DYNC2H1: variants seen among roughly 807,000 people sequenced by gnomAD.
DYNC2H1 encodes dynein cytoplasmic 2 heavy chain 1.
Under a neutral mutation model 570.0 loss-of-function variants are expected in DYNC2H1, and 410 were observed. The observed-to-expected ratio is 0.72, with a 90% CI of 0.66 to 0.78. DYNC2H1 has a LOEUF of 0.78. Among genes scored for constraint, DYNC2H1 ranks in the 30% least tolerant of loss-of-function variants. The probability of loss-of-function intolerance (pLI) is 0.00; values close to 1 mark genes in which losing one functional copy is unlikely to be tolerated. For synonymous variants in DYNC2H1, 1,688 were observed against 1,677.6 expected, an observed-to-expected ratio of 1.01 and a Z score of -0.15; for missense variants, 4,865 against 5,046.4, an observed-to-expected ratio of 0.96 and a Z score of 1.09.
chr11:103,161,377 A>G (rs1485103647), intron 29 of DYNC2H1, among the ~76,000 whole-genome samples: 1 of 152,104 alleles, frequency 6.6e-6, no homozygotes, highest in Non-Finnish European at 1.5e-5. Context: ...TGGTAATCTC[A>G]GTACAGGTGG....
rs540117177 is a variant in DYNC2H1, at chr11:103,331,290, A to G, written c.12039+7300A>G. The stretch of plus-strand genomic sequence containing the variant: ...CTGATATAGGTGTTCTTACCCCCTT[A>G]CAGGCTTTTTCTCCATGGCTCTTAC... On this transcript the variant is annotated intron_variant, in intron 82 of 88. Coordinates refer to ENST00000375735, the MANE Select transcript of DYNC2H1 (RefSeq NM_001377.3). Among the ~76,000 whole-genome samples the G allele has an allele frequency of 3.9e-5, 6 of 152,338 alleles. No individual in the cohort carries two copies. The East Asian group carries it at 1.2e-3, about 29-fold the overall frequency.
At chr11:103,459,610 T>C (rs1944931740) in intron 87 of DYNC2H1, among the ~76,000 whole-genome samples, 1 of 151,990 alleles carries the variant, frequency 6.6e-6, no homozygotes, top group Non-Finnish European at 1.5e-5. Context: ...ACCAACAAGC[T>C]AGATCTTTCC....
chr11:103,202,249 A>G (rs1381407848), intron 50 of DYNC2H1, among the ~76,000 whole-genome samples: 1 of 149,488 alleles, frequency 6.7e-6, no homozygotes, highest in African/African-American at 2.4e-5. Context: ...AGTTGTCACT[A>G]GATGGAGACA....
At chr11:103,266,648 T>C (rs1261872887) in intron 70 of DYNC2H1, among the ~76,000 whole-genome samples, 1 of 152,064 alleles carries the variant, frequency 6.6e-6, no homozygotes, top group Non-Finnish European at 1.5e-5. Context: ...ACCGCAAAGA[T>C]GTGTGGAGTT....
In DYNC2H1 at chr11:103,191,582, A is replaced by G. The variant is rs191319828; in HGVS notation, c.7503A>G (p.Gln2501=). The change falls in exon 46 of 89, where the codon CAA becomes CAG. Residue 2501 remains glutamine, a synonymous_variant. Transcript: ENST00000375735. ...TCTTTACTCCTTGCATTCTTACCCAATGGGTTCTTGGCTTATTTAGATATG... is the reference window on the plus strand; with the variant it reads ...TCTTTACTCCTTGCATTCTTACCCAGTGGGTTCTTGGCTTATTTAGATATG... The part of the protein sequence containing the change: ...HYFFTPCILT[Q]WVLGLFRYDL... 130 of 1,609,632 alleles carry G rather than the reference A, an allele frequency of 8.1e-5. No homozygotes were observed. Among genetic ancestry groups the G allele is most frequent in the African/African-American group, 2.7e-5 (2 of 74,850 alleles).
At chr11:103,337,959 A>T (rs752295186) in intron 82 of DYNC2H1, among the ~76,000 whole-genome samples, 1 of 152,206 alleles carries the variant, frequency 6.6e-6, no homozygotes, top group African/African-American at 2.4e-5. Flanking sequence ...TGTCCAGATT[A>T]GTGTCCTGAA....
intron 70 of DYNC2H1, among the ~76,000 whole-genome samples, chr11:103,273,402 T>C (rs569957741): frequency 1.6e-4 from 25 of 152,278 alleles, no homozygotes; most frequent in Non-Finnish European, 2.9e-4. Flanking sequence ...TTTCCCAGGC[T>C]GGCCTCAAAC....
intron 71 of DYNC2H1, among the ~76,000 whole-genome samples, chr11:103,281,356 A>G (rs959959350): frequency 6.6e-6 from 1 of 151,944 alleles, no homozygotes; most frequent in African/African-American, 2.4e-5. Flanking sequence ...GTTCCATGAA[A>G]TATATATATT....
intron 80 of DYNC2H1, among the ~76,000 whole-genome samples, chr11:103,317,349 C>CTG (rs1199912905): frequency 6.7e-6 from 1 of 149,816 alleles, no homozygotes; most frequent in East Asian, 2.0e-4. Flanking sequence ...AGGCTAAAGC[C>CTG]TGTGAGTCAC....
chr11:103,309,166 C>CTTTTTT (rs1274431520), intron 78 of DYNC2H1, among the ~76,000 whole-genome samples: 3 of 56,532 alleles, frequency 5.3e-5, no homozygotes, highest in Non-Finnish European at 1.2e-4. Flanking sequence ...TAACTGCATG[C>CTTTTTT]TATTTTTTTT....
rs1313642571 is a variant in DYNC2H1, at chr11:103,268,655, T to A, written c.10695+8678T>A. 1.3e-5 allele frequency among the ~76,000 whole-genome samples: 2 copies of A among 152,042 alleles called. No homozygotes were observed. Among genetic ancestry groups the A allele is most frequent in the Non-Finnish European group, 2.9e-5 (2 of 67,924 alleles). On this transcript the variant is annotated intron_variant, in intron 70 of 88. Coordinates refer to ENST00000375735, the MANE Select transcript of DYNC2H1 (RefSeq NM_001377.3). This position sits in a 1 kb window ranked among gnomAD's most constrained non-coding sequence, Gnocchi z 4.6. ...TGAAATGGGCTGTGATTTATGAAAA[T>A]GTTATGGAGTTACAGTTATTTTAAG...
Position 103,181,664 on chromosome 11 carries a change from G to A in DYNC2H1, c.6348-93G>A. 1 of 1,333,018 alleles carries A rather than the reference G, an allele frequency of 7.5e-7. No homozygotes were observed. The highest frequency in any genetic ancestry group is 1.0e-6 in the Non-Finnish European group (1 of 979,858). The allele number at this position is 1,333,018 out of a possible 1,614,324, so 82.6% of individuals were successfully genotyped here. On this transcript the variant is annotated intron_variant, in intron 39 of 88. Transcript: ENST00000375735. This position sits in a 1 kb window ranked among gnomAD's most constrained non-coding sequence, Gnocchi z 5.0. ...TTGTATGCTAGCAGACAAAATATGT[G>A]CGTAGAATAATGTTTATTGGAGAAG... is the stretch of plus-strand genomic sequence containing the variant.
chr11:103,386,186 T>A (rs1426612344), intron 83 of DYNC2H1, among the ~76,000 whole-genome samples: 1 of 152,232 alleles, frequency 6.6e-6, no homozygotes, highest in African/African-American at 2.4e-5. Flanking sequence ...TAGCCCTACT[T>A]GAAATAGAAG....
At chr11:103,253,855 A>G (rs1425564554) in intron 66 of DYNC2H1, among the ~76,000 whole-genome samples, 1 of 152,048 alleles carries the variant, frequency 6.6e-6, no homozygotes, top group Non-Finnish European at 1.5e-5. Context: ...TTTTTTTTTA[A>G]CCATTAGAAC....
At chr11:103,287,776 G>T in intron 75 of DYNC2H1, 171 bp downstream of exon 75, 1 of 608,820 alleles carries the variant, frequency 1.6e-6, no homozygotes, top group African/African-American at 1.9e-5. Flanking sequence ...TCTCGGCTGG[G>T]CATGGTGGCT....
At position 103,209,835 on chromosome 11, in the gene DYNC2H1, G is replaced by A. The variant is rs768226499; in HGVS notation, c.8455-41G>A. 27 of 1,390,966 alleles carry A rather than the reference G, an allele frequency of 1.9e-5. No homozygotes were observed. In the South Asian group the frequency reaches 3.8e-4, roughly 19 times the overall value. 86.2% of individuals were successfully genotyped at this position (1,390,966 alleles called of 1,614,324 possible). The stretch of plus-strand genomic sequence containing the variant: ...TAAAGGTTTTTAACTTATGATATGG[G>A]ACTTATACTCTTTCATAGTGATATT... On this transcript the variant is annotated intron_variant, in intron 52 of 88. Coordinates refer to ENST00000375735, the MANE Select transcript of DYNC2H1 (RefSeq NM_001377.3). This position sits in a 1 kb window ranked among gnomAD's most constrained non-coding sequence, Gnocchi z 4.2.
At chr11:103,415,415 T>C (rs1943246871) in intron 84 of DYNC2H1, among the ~76,000 whole-genome samples, 1 of 152,158 alleles carries the variant, frequency 6.6e-6, no homozygotes, top group Non-Finnish European at 1.5e-5. Flanking sequence ...TTTTGCAATC[T>C]ATTCATCTGA....
chr11:103,459,690 C>T (rs1164952322), intron 87 of DYNC2H1, among the ~76,000 whole-genome samples: 4 of 151,974 alleles, frequency 2.6e-5, no homozygotes, highest in Non-Finnish European at 5.9e-5. Context: ...CGGTGGCTCA[C>T]GCCTGTAATC....
In DYNC2H1 at chr11:103,154,773, GA is replaced by G; in HGVS notation, c.3538del (p.Thr1180GlnfsTer2). On this transcript the variant is annotated frameshift_variant, in exon 24 of 89. Coordinates refer to ENST00000375735, the MANE Select transcript of DYNC2H1 (RefSeq NM_001377.3). LOFTEE classifies it high-confidence loss of function. Reference sequence around the variant, plus strand: ...GGAAGGTTGAAGAACATTCAGTGATGACAGTGAAATTACAATCAGAGGTTGA... The same window carrying G: ...GGAAGGTTGAAGAACATTCAGTGATGCAGTGAAATTACAATCAGAGGTTGA... ...LRKVEEHSVM[T>X]VKLQSEVDKY... 1 of 1,557,616 alleles carries G rather than the reference GA, an allele frequency of 6.4e-7. No individual in the cohort carries two copies. Among genetic ancestry groups the G allele is most frequent in the Non-Finnish European group, 8.7e-7 (1 of 1,151,822 alleles).
Sources: gnomAD v4.1 joint callset for allele counts (sites outside exome capture counted in the v4.1 genomes callset) on GRCh38, gnomAD v4.1.1 for gene constraint, Gnocchi (gnomAD v3.1) non-coding constraint, MANE v1.5 for transcripts, NCBI Gene and HGNC (gene_info 2026-07-23, HGNC 2026-07-21) for gene names.